IRAK3: variants seen among roughly 807,000 people sequenced by gnomAD.
The protein encoded by IRAK3 is interleukin-1 receptor-associated kinase 3.
A neutral mutation model predicts 56.6 loss-of-function variants in IRAK3; 57 were observed. The ratio of observed to expected loss-of-function variants is 1.01; its 90% CI spans 0.81 to 1.26. IRAK3 has a LOEUF of 1.26. Among genes scored for constraint, IRAK3 ranks in the 50% most tolerant of loss-of-function variants. IRAK3 has a pLI of 0.00. For missense variants in IRAK3, 703 were observed against 719.0 expected (o/e 0.98, Z 0.25); for synonymous variants, 258 against 255.7 (o/e 1.01, Z -0.09).
At chr12:66,233,999 G>A in intron 8 of IRAK3, 1 of 1,519,284 alleles carries the variant, frequency 6.6e-7, no homozygotes, top group East Asian at 2.3e-5. Flanking sequence ...AAGCACAATT[G>A]ATCAGAAAAA....
At position 66,254,490 on chromosome 12, in the gene IRAK3, T is replaced by A. The variant is rs2053135067; in HGVS notation, c.*6319T>A. 6.6e-6 allele frequency: 1 copy of A among 152,166 alleles called. No individual in the cohort carries two copies. The highest frequency in any genetic ancestry group is 2.1e-4 in the South Asian group (1 of 4,834). 9.4% of individuals were successfully genotyped at this position (152,166 alleles called of 1,614,324 possible). ...TTCATAGAGAGATCTTCACCAAATG[T>A]TAAGGATTTTTTTTTCTGGGCTGTG... On this transcript the variant is annotated 3_prime_UTR_variant, in exon 12 of 12. Transcript: ENST00000261233.
At chr12:66,234,766 G>A in intron 8 of IRAK3, 1 of 1,593,366 alleles carries the variant, frequency 6.3e-7, no homozygotes, top group Non-Finnish European at 8.6e-7. Context: ...TTGTACCACT[G>A]GCATCACGTA....
chr12:66,234,988 G>C (rs1469559930), intron 8 of IRAK3: 46 of 1,613,784 alleles, frequency 2.9e-5, no homozygotes, highest in Non-Finnish European at 3.8e-5. Context: ...CATAACCTTT[G>C]CATTTGTTCG....
intron 5 of IRAK3, among the ~76,000 whole-genome samples, chr12:66,214,409 T>C: frequency 6.6e-6 from 1 of 151,144 alleles, no homozygotes; most frequent in Non-Finnish European, 1.5e-5. Context: ...GGTGTGGTGG[T>C]GCCTGCCTGT....
rs143718108 is a variant in IRAK3, at chr12:66,244,539, T to C, written c.941T>C (p.Met314Thr). The change falls in exon 9 of 12, where the codon ATG becomes ACG. Residue 314 changes from methionine to threonine, a missense_variant. Physicochemically the swap from Met to Thr is moderately conservative, Grantham distance 81. Coordinates refer to ENST00000261233, the MANE Select transcript of IRAK3 (RefSeq NM_007199.3). ...CAACCCAAACTAACTGATTTTGCCA[T>C]GGCACACTTCCGGTCCCACCTAGAA... ...QFQPKLTDFA[M>T]AHFRSHLEHQ... is the part of the protein sequence containing the mutation. 1.2e-6 allele frequency: 2 copies of C among 1,614,194 alleles called. No homozygotes were observed. The highest frequency in any genetic ancestry group is 1.7e-6 in the Non-Finnish European group (2 of 1,180,022).
intron 8 of IRAK3, among the ~76,000 whole-genome samples, chr12:66,241,830 C>T (rs2052972908): frequency 6.6e-6 from 1 of 152,202 alleles, no homozygotes; most frequent in Admixed American, 6.5e-5. Flanking sequence ...TGTGGTTACT[C>T]AACTCCCTTC....
At chr12:66,191,359 C>G (rs2052397739) in intron 1 of IRAK3, among the ~76,000 whole-genome samples, 1 of 152,166 alleles carries the variant, frequency 6.6e-6, no homozygotes, top group South Asian at 2.1e-4. Flanking sequence ...CTAGTTGCTA[C>G]AGTTTAACCC....
rs749418082 is a variant in IRAK3, at chr12:66,252,032, C to G, written c.*3861C>G. 1 of 152,176 alleles carries G rather than the reference C, an allele frequency of 6.6e-6. No individual in the cohort carries two copies. The highest frequency in any genetic ancestry group is 1.5e-5 in the Non-Finnish European group (1 of 68,034). 9.4% of individuals were successfully genotyped at this position (152,176 alleles called of 1,614,324 possible). A position where few individuals can be genotyped will look rare whatever the true frequency, so the allele number is the denominator to read the frequency against. Reference sequence around the variant, plus strand: ...TAAGAGAAATAGAAAAGAGCACTGACGAAGCACTCAGGATGGCTATTCAAG... The same window carrying G: ...TAAGAGAAATAGAAAAGAGCACTGAGGAAGCACTCAGGATGGCTATTCAAG... On this transcript the variant is annotated 3_prime_UTR_variant, in exon 12 of 12. Coordinates refer to ENST00000261233, the MANE Select transcript of IRAK3 (RefSeq NM_007199.3).
intron 2 of IRAK3, among the ~76,000 whole-genome samples, chr12:66,204,757 T>A (rs1468362267): frequency 6.8e-6 from 1 of 146,904 alleles, no homozygotes; most frequent in African/African-American, 2.5e-5. Flanking sequence ...GGTAATATAT[T>A]TAGTGCGCAT....
chr12:66,250,592 A>G lies in IRAK3; in HGVS notation c.*2421A>G, dbSNP rs2053088948. ...AGCTCTCTGATTCACAAAAGAGATCATCAAGAATTGACTCTGTGTTAAACT... is the reference window on the plus strand; with the variant it reads ...AGCTCTCTGATTCACAAAAGAGATCGTCAAGAATTGACTCTGTGTTAAACT... On this transcript the variant is annotated 3_prime_UTR_variant, in exon 12 of 12. Transcript: ENST00000261233. The G allele has an allele frequency of 1.3e-5, 2 of 152,262 alleles. No individual in the cohort carries two copies. Among genetic ancestry groups the G allele is most frequent in the South Asian group, 4.1e-4 (2 of 4,838 alleles). The allele number at this position is 152,262 out of a possible 1,614,324, so 9.4% of individuals were successfully genotyped here.
At chr12:66,204,313 AT>A (rs1472351122) in intron 2 of IRAK3, among the ~76,000 whole-genome samples, 1 of 152,060 alleles carries the variant, frequency 6.6e-6, no homozygotes, top group African/African-American at 2.4e-5. Flanking sequence ...ATATAATTGT[AT>A]TTTCCCCCAT....
intron 1 of IRAK3, among the ~76,000 whole-genome samples, chr12:66,201,745 G>A (rs1393621998): frequency 6.6e-6 from 1 of 152,148 alleles, no homozygotes; most frequent in Non-Finnish European, 1.5e-5. Flanking sequence ...AGCCTAGTAT[G>A]CTAGTAAAAC....
chr12:66,193,971 AG>A (rs2052424679), intron 1 of IRAK3, among the ~76,000 whole-genome samples: 1 of 152,198 alleles, frequency 6.6e-6, no homozygotes, highest in Non-Finnish European at 1.5e-5. Context: ...TCTGTCATCC[AG>A]GGTGAAGTGC....
chr12:66,219,881 C>T (rs2052713694), intron 6 of IRAK3, among the ~76,000 whole-genome samples: 1 of 152,156 alleles, frequency 6.6e-6, no homozygotes, highest in African/African-American at 2.4e-5. Flanking sequence ...GTCATTTGCC[C>T]ATTTTTATCA....
chr12:66,201,400 C>T (rs898257349), intron 1 of IRAK3, among the ~76,000 whole-genome samples: 5 of 152,136 alleles, frequency 3.3e-5, no homozygotes, highest in African/African-American at 1.2e-4. Context: ...TATCCAGAGA[C>T]TTGCATCCAG....
At chr12:66,233,950 GT>G (rs2052874302) in intron 8 of IRAK3, 1 of 1,125,858 alleles carries the variant, frequency 8.9e-7, no homozygotes, top group Admixed American at 2.4e-5. Context: ...TATAAATAAC[GT>G]TTTCAAGAAC....
At chr12:66,233,670 C>T (rs988912503) in intron 8 of IRAK3, among the ~76,000 whole-genome samples, 1 of 151,270 alleles carries the variant, frequency 6.6e-6, no homozygotes, top group Non-Finnish European at 1.5e-5. Flanking sequence ...AAAAAAAAAA[C>T]ACAGATTAAA....
intron 8 of IRAK3, among the ~76,000 whole-genome samples, chr12:66,242,776 C>T (rs1022619027): frequency 6.6e-6 from 1 of 152,212 alleles, no homozygotes; most frequent in Non-Finnish European, 1.5e-5. Context: ...TGTCTTTATC[C>T]TTAAAAGACC....
chr12:66,231,250 A>T (rs1329534308), intron 8 of IRAK3, among the ~76,000 whole-genome samples: 1 of 152,208 alleles, frequency 6.6e-6, no homozygotes, highest in Non-Finnish European at 1.5e-5. Context: ...GGTGGCTCAC[A>T]TCCATAATCC....
Sources: gnomAD v4.1 joint callset for allele counts (sites outside exome capture counted in the v4.1 genomes callset) on GRCh38, gnomAD v4.1.1 for gene constraint, MANE v1.5 for transcripts, NCBI Gene and HGNC (gene_info 2026-07-23, HGNC 2026-07-21) for gene names.